CSMD1: variants seen among roughly 807,000 people sequenced by gnomAD.
The protein encoded by CSMD1 is CUB and sushi domain-containing protein 1.
Under a neutral mutation model 417.5 loss-of-function variants are expected in CSMD1, and 213 were observed. That is an observed-to-expected ratio of 0.51 (90% confidence interval 0.46 to 0.57). CSMD1 has a LOEUF of 0.57. CSMD1 is among the 20% of genes least tolerant of loss of function. The pLI, the probability that CSMD1 is intolerant of heterozygous loss-of-function variation, is 0.00. For synonymous variants in CSMD1, 2,862 were observed against 1,736.8 expected, an observed-to-expected ratio of 1.65 and a Z score of -16.11; for missense variants, 6,923 against 4,529.7, an observed-to-expected ratio of 1.53 and a Z score of -15.17.
intron 25 of CSMD1, among the ~76,000 whole-genome samples, chr8:3,302,495 T>C (rs940098147): frequency 6.6e-6 from 1 of 152,214 alleles, no homozygotes; most frequent in African/African-American, 2.4e-5. Context: ...TCCCATGATA[T>C]CACTTCTCAT....
chr8:3,939,418 T>G (rs1464810458), intron 5 of CSMD1, among the ~76,000 whole-genome samples: 2 of 152,108 alleles, frequency 1.3e-5, no homozygotes, highest in African/African-American at 2.4e-5. Context: ...GGTGTGTGTA[T>G]AAACTACTAC....
chr8:4,799,168 A>T (rs765828604), intron 1 of CSMD1, among the ~76,000 whole-genome samples: 2 of 152,130 alleles, frequency 1.3e-5, no homozygotes, highest in Admixed American at 6.5e-5. Context: ...ACATAAAGTC[A>T]CTACATGACA....
chr8:4,897,873 C>T (rs1804607548), intron 1 of CSMD1, among the ~76,000 whole-genome samples: 1 of 152,074 alleles, frequency 6.6e-6, no homozygotes, highest in Non-Finnish European at 1.5e-5. Flanking sequence ...TTTGTAGTCT[C>T]TACATTACAT....
chr8:4,647,665 G>A (rs570663040), intron 1 of CSMD1, among the ~76,000 whole-genome samples: 2 of 152,174 alleles, frequency 1.3e-5, no homozygotes, highest in South Asian at 2.1e-4. Context: ...AATATGTGGT[G>A]TTTGGTTTTC....
chr8:4,436,137 T>G (rs919638585), intron 2 of CSMD1, among the ~76,000 whole-genome samples: 2 of 152,120 alleles, frequency 1.3e-5, no homozygotes, highest in African/African-American at 4.8e-5. Flanking sequence ...GCATAAAAAA[T>G]AGAAGTCATA....
intron 26 of CSMD1, among the ~76,000 whole-genome samples, chr8:3,258,321 G>C (rs971499596): frequency 1.3e-5 from 2 of 152,124 alleles, no homozygotes; most frequent in African/African-American, 2.4e-5. Flanking sequence ...AGACATACAT[G>C]TTGCCAACAA....
At chr8:3,527,132 C>G (rs1797786026) in intron 10 of CSMD1, among the ~76,000 whole-genome samples, 1 of 151,890 alleles carries the variant, frequency 6.6e-6, no homozygotes, top group Non-Finnish European at 1.5e-5. Flanking sequence ...AACATATGAG[C>G]CCTCGGATGT....
chr8:3,707,131 C>A (rs1013550975), intron 7 of CSMD1, among the ~76,000 whole-genome samples: 4 of 152,102 alleles, frequency 2.6e-5, no homozygotes, highest in African/African-American at 9.7e-5. Flanking sequence ...TGAGCACAGA[C>A]TATGGATTAT....
chr8:4,449,688 G>A lies in CSMD1; in HGVS notation c.303-29623C>T, dbSNP rs369380139. Reference sequence around the variant, plus strand: ...GCCTGAGAGGAATGGGATGGGAAGAGAGGGAGAGAGAGGGAGTATGGGGAA... The same window carrying A: ...GCCTGAGAGGAATGGGATGGGAAGAAAGGGAGAGAGAGGGAGTATGGGGAA... On this transcript the variant is annotated intron_variant, in intron 2 of 69. Coordinates refer to ENST00000635120, the MANE Select transcript of CSMD1 (RefSeq NM_033225.6). Among the ~76,000 whole-genome samples the A allele has an allele frequency of 2.2e-4, 34 of 152,262 alleles. 1 individual carries two copies. In the East Asian group the frequency reaches 6.0e-3, roughly 27 times the overall value.
intron 22 of CSMD1, among the ~76,000 whole-genome samples, chr8:3,345,645 A>G (rs568964554): frequency 1.3e-5 from 2 of 152,258 alleles, no homozygotes; most frequent in African/African-American, 4.8e-5. Flanking sequence ...GTTATTAGAG[A>G]AAGTCTTTGG....
chr8:4,162,193 A>C (rs192564505), intron 3 of CSMD1, among the ~76,000 whole-genome samples: 4 of 152,316 alleles, frequency 2.6e-5, no homozygotes, highest in African/African-American at 9.6e-5. Context: ...TTTCTTTCCA[A>C]AATTATATGC....
intron 25 of CSMD1, among the ~76,000 whole-genome samples, chr8:3,300,508 T>C (rs1014429666): frequency 2.0e-5 from 3 of 152,226 alleles, no homozygotes; most frequent in Non-Finnish European, 4.4e-5. Context: ...TGACTGACTC[T>C]GCTTTATAGA....
intron 1 of CSMD1, among the ~76,000 whole-genome samples, chr8:4,760,890 G>C (rs538174436): frequency 1.1e-4 from 16 of 152,266 alleles, no homozygotes; most frequent in African/African-American, 3.6e-4. Context: ...CTTTTAGAAA[G>C]TGTGCAGCAG....
intron 10 of CSMD1, among the ~76,000 whole-genome samples, chr8:3,545,518 T>G (rs892784434): frequency 1.3e-5 from 2 of 152,202 alleles, no homozygotes; most frequent in African/African-American, 4.8e-5. Context: ...AGAATCATAC[T>G]GTTCGGTATA....
At chr8:4,803,059 G>T (rs1798393650) in intron 1 of CSMD1, among the ~76,000 whole-genome samples, 1 of 152,122 alleles carries the variant, frequency 6.6e-6, no homozygotes, top group Non-Finnish European at 1.5e-5. Flanking sequence ...AATAAAAACA[G>T]ATCTTGATAT....
chr8:3,378,814 G>T (rs1363040514), intron 18 of CSMD1, among the ~76,000 whole-genome samples: 1 of 152,174 alleles, frequency 6.6e-6, no homozygotes, highest in African/African-American at 2.4e-5. Flanking sequence ...AAAGCTGGAA[G>T]CATTCCCTTT....
intron 3 of CSMD1, among the ~76,000 whole-genome samples, chr8:4,041,634 A>G (rs957385004): frequency 6.6e-6 from 1 of 152,212 alleles, no homozygotes; most frequent in East Asian, 1.9e-4. Flanking sequence ...GAAGATATCC[A>G]TAAGAAGAAG....
intron 5 of CSMD1, among the ~76,000 whole-genome samples, chr8:3,761,471 C>T: frequency 6.8e-6 from 1 of 146,924 alleles, no homozygotes; most frequent in Non-Finnish European, 1.5e-5. Flanking sequence ...GAAGAGTTTT[C>T]ATTCAACAGT....
intron 5 of CSMD1, among the ~76,000 whole-genome samples, chr8:3,901,025 T>G (rs1807714932): frequency 6.6e-6 from 1 of 152,230 alleles, no homozygotes; most frequent in Non-Finnish European, 1.5e-5. Flanking sequence ...ATTATTGACA[T>G]TACTTTGGTA....
Sources: allele counts gnomAD v4.1 joint callset (sites outside exome capture counted in the v4.1 genomes callset), GRCh38; gene constraint gnomAD v4.1.1; transcripts MANE v1.5; gene names NCBI Gene and HGNC (gene_info 2026-07-23, HGNC 2026-07-21).